YEATS4: variants seen among roughly 807,000 people sequenced by gnomAD.
YEATS4 encodes YEATS domain containing 4, also known as YEATS domain-containing protein 4.
In YEATS4, 17 loss-of-function variants were observed where a neutral mutation model predicts 30.1. The ratio of observed to expected loss-of-function variants is 0.56; its 90% CI spans 0.39 to 0.85. The LOEUF (loss-of-function observed/expected upper bound fraction) is 0.85, where lower values mean the gene tolerates loss of function less well. Among genes scored for constraint, YEATS4 ranks in the 40% least tolerant of loss-of-function variants. The pLI is 0.00. For missense variants in YEATS4, 142 were observed against 268.3 expected (o/e 0.53, Z 3.29); for synonymous variants, 85 against 87.5 (o/e 0.97, Z 0.16).
chr12:69,393,919 A>G (rs1868333795), downstream of YEATS4, among the ~76,000 whole-genome samples: 2 of 152,246 alleles, frequency 1.3e-5, no homozygotes, highest in African/African-American at 2.4e-5. Flanking sequence ...TCTTGATCTT[A>G]CTGGATCAGC....
At chr12:69,390,044 C>T (rs965250752) in intron 6 of YEATS4, 103 bp from the exon 7 acceptor site, 1 of 946,074 alleles carries the variant, frequency 1.1e-6, no homozygotes, top group African/African-American at 1.7e-5. Flanking sequence ...ATCCACATTT[C>T]ATCATGGAAA....
At chr12:69,410,052 C>G in the YEATS4 span, among the ~76,000 whole-genome samples, 1 of 152,186 alleles carries the variant, frequency 6.6e-6, no homozygotes, top group African/African-American at 2.4e-5. Flanking sequence ...GAAAACTTTT[C>G]CTGTTTAAGC....
chr12:69,402,981 C>G, the YEATS4 span, among the ~76,000 whole-genome samples: 1 of 152,090 alleles, frequency 6.6e-6, no homozygotes, highest in Non-Finnish European at 1.5e-5. Flanking sequence ...CCTCAGCCTC[C>G]CAAAGTGCTG....
the YEATS4 span, among the ~76,000 whole-genome samples, chr12:69,420,338 G>A: frequency 8.6e-5 from 13 of 151,992 alleles, no homozygotes; most frequent in African/African-American, 3.1e-4. Flanking sequence ...GGAAGGGGAT[G>A]TGCAAAGGAA....
chr12:69,402,907 G>T, the YEATS4 span, among the ~76,000 whole-genome samples: 1 of 151,326 alleles, frequency 6.6e-6, no homozygotes, highest in African/African-American at 2.4e-5. Flanking sequence ...ATTTTTAGTA[G>T]AGACAGGGTT....
In YEATS4 at chr12:69,363,212, C is replaced by T. The variant is rs540346594; in HGVS notation, c.171+305C>T. ...GTTTCACCATGTTAGCCAGGATGGT[C>T]TCAATCTCCTGACCTCGTGATCCAC... On this transcript the variant is annotated intron_variant, in intron 2 of 6. Transcript: ENST00000247843. Among the ~76,000 whole-genome samples, 6 of 151,986 alleles carry T rather than the reference C, an allele frequency of 3.9e-5. No individual in the cohort carries two copies. In the South Asian group the frequency reaches 1.2e-3, roughly 32 times the overall value.
At chr12:69,403,437 C>T in the YEATS4 span, among the ~76,000 whole-genome samples, 1 of 152,000 alleles carries the variant, frequency 6.6e-6, no homozygotes, top group Non-Finnish European at 1.5e-5. Flanking sequence ...ATTAGCCAGG[C>T]GTGGTATCGC....
chr12:69,409,799 C>A, the YEATS4 span, among the ~76,000 whole-genome samples: 1 of 147,708 alleles, frequency 6.8e-6, no homozygotes. Context: ...ATGTGTGTAT[C>A]TATATGTAAT....
At chr12:69,392,635 A>C (rs1024388728), downstream of YEATS4, among the ~76,000 whole-genome samples, 5 of 152,250 alleles carry the variant, frequency 3.3e-5, no homozygotes, top group Non-Finnish European at 5.9e-5. Context: ...TAGGCAGCTC[A>C]CTTCTTGAAA....
downstream of YEATS4, among the ~76,000 whole-genome samples, chr12:69,391,864 G>A (rs572460256): frequency 2.6e-5 from 4 of 152,292 alleles, no homozygotes; most frequent in East Asian, 5.8e-4. Context: ...AGCTGCCCAC[G>A]AATGTATTGG....
chr12:69,386,133 C>G (rs975535079), intron 6 of YEATS4, among the ~76,000 whole-genome samples: 2 of 152,190 alleles, frequency 1.3e-5, no homozygotes, highest in African/African-American at 2.4e-5. Context: ...AAGCAGAACA[C>G]TGGAACAAGC....
At chr12:69,389,810 G>A (rs541225159) in intron 6 of YEATS4, among the ~76,000 whole-genome samples, 41 of 152,208 alleles carry the variant, frequency 2.7e-4, no homozygotes, top group African/African-American at 9.4e-4. Flanking sequence ...ACTGCGCCCA[G>A]TCACCTCTCA....
the YEATS4 span, among the ~76,000 whole-genome samples, chr12:69,407,738 T>C: frequency 5.8e-5 from 7 of 121,374 alleles, no homozygotes; most frequent in Non-Finnish European, 1.0e-4. Context: ...TTTTTTGAGA[T>C]GGACTTTTGC....
At chr12:69,415,546 G>A in the YEATS4 span, among the ~76,000 whole-genome samples, 3 of 152,310 alleles carry the variant, frequency 2.0e-5, no homozygotes, top group South Asian at 4.1e-4. Flanking sequence ...GGGCAACAAA[G>A]GGAGATCATG....
At chr12:69,401,659 T>TC in the YEATS4 span, among the ~76,000 whole-genome samples, 36 of 152,346 alleles carry the variant, frequency 2.4e-4, no homozygotes, top group African/African-American at 8.4e-4. Context: ...TAAAAAGACC[T>TC]CCTGTTGGGC....
At position 69,374,845 on chromosome 12, in the gene YEATS4, C is replaced by G. The variant is rs183603149; in HGVS notation, c.514+3870C>G. Among the ~76,000 whole-genome samples the G allele has an allele frequency of 1.6e-3, 247 of 152,168 alleles. 1 individual carries two copies. Among genetic ancestry groups the G allele is most frequent in the Non-Finnish European group, 2.0e-3 (135 of 67,978 alleles). ...TCCCCACATTTCCCCCTTTTCTATT[C>G]GACAAAACCGCCATCGTCATCATGG... is the stretch of plus-strand genomic sequence containing the variant. On this transcript the variant is annotated intron_variant, in intron 6 of 6. Coordinates refer to ENST00000247843, the MANE Select transcript of YEATS4 (RefSeq NM_006530.4).
intron 6 of YEATS4, 68 bp downstream of exon 6, chr12:69,371,043 C>T (rs1875618358): frequency 6.8e-6 from 10 of 1,481,454 alleles, no homozygotes; most frequent in South Asian, 5.1e-5. Flanking sequence ...TTGTATGATT[C>T]GTGCCTTTTA....
Position 69,390,464 on chromosome 12 carries a change from G to T in YEATS4, c.*148G>T. ...ATGAATTTCTTAGCAATAGGAATTT[G>T]TACTATTTAAGCAATCTTTAATGGA... On this transcript the variant is annotated 3_prime_UTR_variant, in exon 7 of 7. Coordinates refer to ENST00000247843, the MANE Select transcript of YEATS4 (RefSeq NM_006530.4). 1 of 677,460 alleles carries T rather than the reference G, an allele frequency of 1.5e-6. No homozygotes were observed. The highest frequency in any genetic ancestry group is 2.3e-6 in the Non-Finnish European group (1 of 442,624). 42.0% of individuals were successfully genotyped at this position (677,460 alleles called of 1,614,324 possible). A position where few individuals can be genotyped will look rare whatever the true frequency, so the allele number is the denominator to read the frequency against.
chr12:69,376,347 C>CA (rs1875872021), intron 6 of YEATS4, among the ~76,000 whole-genome samples: 1 of 152,212 alleles, frequency 6.6e-6, no homozygotes, highest in Non-Finnish European at 1.5e-5. Context: ...GCCTAGGCAA[C>CA]AGAGTGAGAC....
Sources: gnomAD v4.1 joint callset for allele counts (sites outside exome capture counted in the v4.1 genomes callset) on GRCh38, gnomAD v4.1.1 for gene constraint, MANE v1.5 for transcripts, NCBI Gene and HGNC (gene_info 2026-07-23, HGNC 2026-07-21) for gene names.